The following NRF1 variants were observed in gnomAD, a reference collection of about 807,000 sequenced individuals.
NRF1 encodes nuclear respiratory factor 1.
A neutral mutation model predicts 58.5 loss-of-function variants in NRF1; 5 were observed. That is an observed-to-expected ratio of 0.09 (90% CI 0.04 to 0.18). NRF1 has a LOEUF of 0.18. Ranked by LOEUF, NRF1 falls within the 10% of genes least tolerant of loss-of-function variation. The pLI, the probability that NRF1 is intolerant of heterozygous loss-of-function variation, is 1.00. For synonymous variants in NRF1, 224 were observed against 246.7 expected (o/e 0.91, Z 0.86); for missense variants, 288 against 657.7 (o/e 0.44, Z 6.15).
At chr7:129,691,411 G>A (rs1300021061) in intron 5 of NRF1, among the ~76,000 whole-genome samples, 1 of 148,458 alleles carries the variant, frequency 6.7e-6, no homozygotes, top group Non-Finnish European at 1.5e-5. Flanking sequence ...GCCCAGGCTG[G>A]AGGGCAGTGG....
chr7:129,754,648 C>G (rs953009058), intron 10 of NRF1, among the ~76,000 whole-genome samples: 1 of 151,818 alleles, frequency 6.6e-6, no homozygotes, highest in African/African-American at 2.4e-5. Flanking sequence ...TAGCGAATAA[C>G]AATGTAGTCT....
chr7:129,726,625 G>T (rs952840608), intron 9 of NRF1, among the ~76,000 whole-genome samples: 6 of 152,142 alleles, frequency 3.9e-5, no homozygotes, highest in African/African-American at 1.4e-4. Context: ...TTTTAGCCCT[G>T]CCTGGATATA....
chr7:129,683,898 G>T (rs758128932), intron 4 of NRF1, among the ~76,000 whole-genome samples: 11 of 152,088 alleles, frequency 7.2e-5, no homozygotes, highest in African/African-American at 2.7e-4. Context: ...CTCCCAAAGT[G>T]CTGGGATTAC....
chr7:129,632,090 C>T (rs995959757), intron 1 of NRF1, among the ~76,000 whole-genome samples: 1 of 152,072 alleles, frequency 6.6e-6, no homozygotes, highest in Non-Finnish European at 1.5e-5. Context: ...GACTGGGCAA[C>T]ATAATAAGAC....
intron 1 of NRF1, among the ~76,000 whole-genome samples, chr7:129,629,723 A>T (rs1801006009): frequency 6.6e-6 from 1 of 152,206 alleles, no homozygotes; most frequent in South Asian, 2.1e-4. Context: ...AGAGTTAATA[A>T]AATTAATAAT....
chr7:129,729,869 GCT>G (rs1473121495), intron 10 of NRF1, among the ~76,000 whole-genome samples: 2 of 152,044 alleles, frequency 1.3e-5, no homozygotes, highest in African/African-American at 4.8e-5. Flanking sequence ...ACAGAGTCTT[GCT>G]CTGTCACCCA....
At chr7:129,634,041 A>AATATATAT (rs1163693215) in intron 1 of NRF1, among the ~76,000 whole-genome samples, 1 of 113,810 alleles carries the variant, frequency 8.8e-6, no homozygotes, top group African/African-American at 3.8e-5. Context: ...AAAAAAAAAA[A>AATATATAT]AGATATATAT....
At chr7:129,686,154 T>A (rs1454030110) in intron 4 of NRF1, among the ~76,000 whole-genome samples, 1 of 149,496 alleles carries the variant, frequency 6.7e-6, no homozygotes, top group Non-Finnish European at 1.5e-5. Flanking sequence ...GAGAACTTGC[T>A]AGATGCCAAG....
Position 129,741,467 on chromosome 7 carries a change from G to A in NRF1, c.1349-13551G>A, listed in dbSNP as rs775182059. 1.3e-5 allele frequency among the ~76,000 whole-genome samples: 2 copies of A among 152,074 alleles called. No individual in the cohort carries two copies. The highest frequency in any genetic ancestry group is 2.9e-5 in the Non-Finnish European group (2 of 68,020). ...GAATCTTGTGCCTGTCATTGTGAGC[G>A]CTATTCTGTAAAGGGATTTTTTTTT... is the stretch of plus-strand genomic sequence containing the variant. On this transcript the variant is annotated intron_variant, in intron 10 of 10. Transcript: ENST00000393232. The surrounding 1 kb of genome is among the most constrained non-coding windows in gnomAD (Gnocchi z 4.0).
rs1167241594 is a variant in NRF1 at position 129,619,480 on chromosome 7, GTGTGTGTGTGTATA to G, written c.-7+7658_-7+7671del. ...TACACGTGTGTGTGTGTGTGTGTGTGTGTGTGTGTGTATATATATATATATATATATATGTATTG... is the reference window on the plus strand; with the variant it reads ...TACACGTGTGTGTGTGTGTGTGTGTGTATATATATATATATATATGTATTG... On this transcript the variant is annotated intron_variant, in intron 1 of 10. Transcript: ENST00000393232. Among the ~76,000 whole-genome samples the G allele has an allele frequency of 8.3e-3, 257 of 30,808 alleles. 7 individuals carry two copies. The highest frequency in any genetic ancestry group is 0.04 in the East Asian group (19 of 470). 20.2% of individuals were successfully genotyped at this position (30,808 alleles called of 152,430 possible). A position where few individuals can be genotyped will look rare whatever the true frequency, so the allele number is the denominator to read the frequency against.
chr7:129,696,086 A>AAC (rs1802690665), intron 5 of NRF1, among the ~76,000 whole-genome samples: 1 of 147,244 alleles, frequency 6.8e-6, no homozygotes, highest in Non-Finnish European at 1.5e-5. Flanking sequence ...AAAAAAAAAA[A>AAC]CAACCAAATT....
rs1804256239 is a variant in NRF1 at position 129,756,423 on chromosome 7, G to C, written c.*1242G>C. On this transcript the variant is annotated 3_prime_UTR_variant, in exon 11 of 11. Coordinates refer to ENST00000393232, the MANE Select transcript of NRF1 (RefSeq NM_005011.5). ...TGTTCCTGGATCAGGCCCTGCTTCAGAAGGGACTCCTGGAGGCCCATGTTC... is the reference window on the plus strand; with the variant it reads ...TGTTCCTGGATCAGGCCCTGCTTCACAAGGGACTCCTGGAGGCCCATGTTC... The C allele has an allele frequency of 6.6e-6, 1 of 152,394 alleles. No individual in the cohort carries two copies. The highest frequency in any genetic ancestry group is 1.5e-5 in the Non-Finnish European group (1 of 68,124). The allele number at this position is 152,394 out of a possible 1,614,324, so 9.4% of individuals were successfully genotyped here. A position where few individuals can be genotyped will look rare whatever the true frequency, so the allele number is the denominator to read the frequency against.
In NRF1 at chr7:129,677,738, G is replaced by A; in HGVS notation, c.445G>A (p.Ala149Thr). The part of the protein sequence containing the change: ...KPNPVFKVFG[A>T]APLENVVRKY... ...TAACCCTGTCTTTAAAGTGTTTGGTGCAGCACCTTTGGAGAATGTGGTAAG... is the reference window on the plus strand; with the variant it reads ...TAACCCTGTCTTTAAAGTGTTTGGTACAGCACCTTTGGAGAATGTGGTAAG... Residue 149 changes from alanine to threonine, a missense_variant, in exon 4 of 11, where the codon GCA (alanine) becomes ACA (threonine). By Grantham distance (58) the Ala-to-Thr change is moderately conservative. Transcript: ENST00000393232. 1 of 1,614,078 alleles carries A rather than the reference G, an allele frequency of 6.2e-7. No homozygotes were observed. Among genetic ancestry groups the A allele is most frequent in the South Asian group, 1.1e-5 (1 of 91,070 alleles).
intron 10 of NRF1, among the ~76,000 whole-genome samples, chr7:129,747,023 T>C (rs536819579): frequency 2.0e-5 from 3 of 152,280 alleles, no homozygotes; most frequent in African/African-American, 7.2e-5. Flanking sequence ...TCTGTCCTGC[T>C]CTATCTTGTC....
At chr7:129,635,624 T>A (rs1055577210) in intron 1 of NRF1, among the ~76,000 whole-genome samples, 3 of 152,310 alleles carry the variant, frequency 2.0e-5, no homozygotes, top group Admixed American at 6.5e-5. Flanking sequence ...ATAAACACTT[T>A]TGGACCGCAG....
intron 8 of NRF1, among the ~76,000 whole-genome samples, chr7:129,713,690 C>A (rs1803126988): frequency 6.6e-6 from 1 of 152,178 alleles, no homozygotes; most frequent in African/African-American, 2.4e-5. Context: ...AAGCAAAGAA[C>A]AATTGCAGTG....
At chr7:129,686,053 G>A (rs1802436038) in intron 4 of NRF1, among the ~76,000 whole-genome samples, 1 of 133,012 alleles carries the variant, frequency 7.5e-6, no homozygotes, top group Admixed American at 8.5e-5. Context: ...AGTGAGCCGA[G>A]ATCACACCAC....
At chr7:129,625,023 TCA>T (rs1800882902) in intron 1 of NRF1, among the ~76,000 whole-genome samples, 2 of 152,128 alleles carry the variant, frequency 1.3e-5, no homozygotes, top group African/African-American at 4.8e-5. Flanking sequence ...ATGTATTCTC[TCA>T]CAGTTCTGGA....
intron 5 of NRF1, among the ~76,000 whole-genome samples, chr7:129,696,084 A>AAAAC (rs757035741): frequency 0.015 from 1,686 of 110,924 alleles, 225 homozygotes; most frequent in African/African-American, 0.031. Context: ...AAAAAAAAAA[A>AAAAC]AACAACCAAA....
Sources: allele counts gnomAD v4.1 joint callset (sites outside exome capture counted in the v4.1 genomes callset), GRCh38; gene constraint gnomAD v4.1.1; non-coding constraint Gnocchi (gnomAD v3.1); transcripts MANE v1.5; gene names NCBI Gene and HGNC (gene_info 2026-07-23, HGNC 2026-07-21).